The following MLIP variants were observed in gnomAD, a reference collection of about 807,000 sequenced individuals.
The protein encoded by MLIP is muscular LMNA-interacting protein.
A neutral mutation model predicts 84.8 loss-of-function variants in MLIP; 79 were observed. The ratio of observed to expected loss-of-function variants is 0.93; its 90% confidence interval spans 0.78 to 1.12. The LOEUF (loss-of-function observed/expected upper bound fraction) is 1.12. MLIP is among the 50% of genes most tolerant of loss of function. The pLI is 0.00. For missense variants in MLIP, 1,257 were observed against 1,160.6 expected, an observed-to-expected ratio of 1.08 and a Z score of -1.21; for synonymous variants, 504 against 463.0, an observed-to-expected ratio of 1.09 and a Z score of -1.14.
intron 1 of MLIP, among the ~76,000 whole-genome samples, chr6:54,070,026 A>T (rs1365567639): frequency 6.7e-5 from 3 of 44,936 alleles, no homozygotes; most frequent in African/African-American, 1.0e-4. Flanking sequence ...TTTTTGTCAC[A>T]GTGTGTCTGC....
chr6:54,131,693 G>A (rs1163973506), intron 3 of MLIP, among the ~76,000 whole-genome samples: 2 of 152,036 alleles, frequency 1.3e-5, no homozygotes, highest in Non-Finnish European at 2.9e-5. Flanking sequence ...TGTAATTATG[G>A]GAAATATAGG....
At chr6:54,261,692 C>T (rs1014320388) in intron 13 of MLIP, 2 of 985,034 alleles carry the variant, frequency 2.0e-6, no homozygotes, top group African/African-American at 3.5e-5. Context: ...ATTCCTCTGA[C>T]TTTATCCTCT....
chr6:54,249,336 C>G (rs1477563548), intron 12 of MLIP, among the ~76,000 whole-genome samples: 1 of 151,904 alleles, frequency 6.6e-6, no homozygotes, highest in African/African-American at 2.4e-5. Flanking sequence ...TGGGCATTAC[C>G]ACAAATATAT....
chr6:54,093,392 T>C (rs1301747827), intron 1 of MLIP, among the ~76,000 whole-genome samples: 1 of 151,916 alleles, frequency 6.6e-6, no homozygotes, highest in Non-Finnish European at 1.5e-5. Context: ...TCTATTCTAT[T>C]CTTCTTTTAT....
At chr6:54,132,901 G>A (rs1771503088) in intron 3 of MLIP, among the ~76,000 whole-genome samples, 1 of 152,146 alleles carries the variant, frequency 6.6e-6, no homozygotes. Context: ...TTAAAAAGTG[G>A]TATCAATTTT....
upstream of MLIP, among the ~76,000 whole-genome samples, chr6:54,108,693 A>G (rs1769198963): frequency 1.3e-5 from 2 of 152,176 alleles, no homozygotes; most frequent in African/African-American, 2.4e-5. Context: ...AAAATAATAA[A>G]TTGGTTTTCA....
chr6:54,090,947 G>A (rs1026477042), intron 1 of MLIP, among the ~76,000 whole-genome samples: 4 of 152,088 alleles, frequency 2.6e-5, no homozygotes, highest in Non-Finnish European at 5.9e-5. Context: ...TGTTTTTATG[G>A]GGGCTATACT....
chr6:54,083,564 G>T (rs1331932394), intron 1 of MLIP: 1 of 1,535,888 alleles, frequency 6.5e-7, no homozygotes, highest in Non-Finnish European at 8.7e-7. Context: ...CTGCTAGTTT[G>T]ACACGTGGCA....
chr6:54,196,665 A>G (rs1778322057), intron 10 of MLIP, among the ~76,000 whole-genome samples: 1 of 152,142 alleles, frequency 6.6e-6, no homozygotes, highest in Non-Finnish European at 1.5e-5. Flanking sequence ...TATAGTCAGC[A>G]CACTGAGCTT....
At chr6:54,227,315 A>G (rs1780644021) in intron 11 of MLIP, among the ~76,000 whole-genome samples, 1 of 152,216 alleles carries the variant, frequency 6.6e-6, no homozygotes, top group African/African-American at 2.4e-5. Context: ...AGACTTATAC[A>G]GAGGACAAAT....
chr6:54,160,410 A>G lies in MLIP; in HGVS notation c.2333A>G (p.Asn778Ser). The part of the protein sequence containing the change: ...PAKTESVSKD[N>S]TLEPPVELYF... The stretch of plus-strand genomic sequence containing the variant: ...AAGACTGAAAGTGTCTCCAAGGACA[A>G]CACATTAGAACCACCAGTGGAGGTA... Residue 778 changes from asparagine to serine, a missense_variant, in exon 6 of 14, where the codon AAC (asparagine) becomes AGC (serine). By Grantham distance (46) the Asn-to-Ser change is conservative. Transcript: ENST00000502396. The G allele has an allele frequency of 6.2e-7, 1 of 1,612,466 alleles. No individual in the cohort carries two copies. The highest frequency in any genetic ancestry group is 8.5e-7 in the Non-Finnish European group (1 of 1,179,146).
intron 1 of MLIP, among the ~76,000 whole-genome samples, chr6:54,021,136 T>A (rs1341814201): frequency 6.6e-6 from 1 of 152,234 alleles, no homozygotes; most frequent in Non-Finnish European, 1.5e-5. Flanking sequence ...TTATGTTTCA[T>A]GTTAATACCA....
chr6:54,178,502 G>A lies in MLIP; in HGVS notation c.2544+8930G>A, dbSNP rs546169445. ...TCTAGTTGTTTAAGGTGTTTTATTA[G>A]GTTATTCAAAGTTTGTTTTTTATGT... On this transcript the variant is annotated intron_variant, in intron 9 of 13. Transcript: ENST00000502396. 1.4e-4 allele frequency among the ~76,000 whole-genome samples: 22 copies of A among 152,080 alleles called. No individual in the cohort carries two copies. The South Asian group carries it at 4.4e-3, about 30-fold the overall frequency.
chr6:54,051,615 T>A (rs569852360), intron 1 of MLIP, among the ~76,000 whole-genome samples: 54 of 152,226 alleles, frequency 3.5e-4, no homozygotes, highest in Non-Finnish European at 4.9e-4. Flanking sequence ...TTTAGGGGAC[T>A]ATGACACATA....
chr6:54,259,208 TTAA>T (rs1783222269), intron 13 of MLIP, among the ~76,000 whole-genome samples: 1 of 151,854 alleles, frequency 6.6e-6, no homozygotes, highest in East Asian at 1.9e-4. Context: ...TATATTAAAG[TTAA>T]TAACTTTTTG....
intron 10 of MLIP, among the ~76,000 whole-genome samples, chr6:54,191,479 G>A (rs911130928): frequency 6.6e-6 from 1 of 152,056 alleles, no homozygotes; most frequent in Non-Finnish European, 1.5e-5. Context: ...TGTGTGGGGG[G>A]GCAATATAGT....
At chr6:54,091,147 TG>T (rs1016936695) in intron 1 of MLIP, among the ~76,000 whole-genome samples, 2 of 151,988 alleles carry the variant, frequency 1.3e-5, no homozygotes, top group Non-Finnish European at 2.9e-5. Flanking sequence ...AAAGGTACCC[TG>T]GGGGGAAAAA....
intron 1 of MLIP, among the ~76,000 whole-genome samples, chr6:54,032,105 T>C (rs1242242647): frequency 2.0e-5 from 3 of 152,150 alleles, no homozygotes; most frequent in Non-Finnish European, 4.4e-5. Flanking sequence ...AGAGTTCTAT[T>C]TTTTTCATGC....
At chr6:54,081,282 G>C (rs1767129193) in intron 1 of MLIP, among the ~76,000 whole-genome samples, 1 of 152,082 alleles carries the variant, frequency 6.6e-6, no homozygotes, top group South Asian at 2.1e-4. Flanking sequence ...CAATTCTTGT[G>C]CAAATTACAT....
Sources: allele counts gnomAD v4.1 joint callset (sites outside exome capture counted in the v4.1 genomes callset), GRCh38; gene constraint gnomAD v4.1.1; transcripts MANE v1.5; gene names NCBI Gene and HGNC (gene_info 2026-07-23, HGNC 2026-07-21).